The following CACNA2D3 variants were observed in gnomAD, a reference collection of about 807,000 sequenced individuals.
The protein encoded by CACNA2D3 is voltage-dependent calcium channel subunit alpha-2/delta-3.
In CACNA2D3, 60 loss-of-function variants were observed where a neutral mutation model predicts 160.6. That is an observed-to-expected ratio of 0.37 (90% confidence interval 0.30 to 0.46). The LOEUF (loss-of-function observed/expected upper bound fraction) is 0.46. Among genes scored for constraint, CACNA2D3 ranks in the 20% least tolerant of loss-of-function variants. The pLI is 1.00. For missense variants in CACNA2D3, 1,205 were observed against 1,365.0 expected (o/e 0.88, Z 1.85); for synonymous variants, 558 against 492.9 (o/e 1.13, Z -1.75).
chr3:54,371,590 A>G (rs1698927130), intron 3 of CACNA2D3, among the ~76,000 whole-genome samples: 1 of 152,166 alleles, frequency 6.6e-6, no homozygotes, highest in African/African-American at 2.4e-5. Flanking sequence ...CATCGTGTGC[A>G]TTTTCCTCTC....
intron 2 of CACNA2D3, among the ~76,000 whole-genome samples, chr3:54,320,123 A>G (rs1054873735): frequency 5.3e-5 from 8 of 152,188 alleles, no homozygotes; most frequent in East Asian, 1.9e-4. Flanking sequence ...TAAATGAAAA[A>G]TTGTCTTTAG....
intron 4 of CACNA2D3, among the ~76,000 whole-genome samples, chr3:54,498,088 A>T (rs556136848): frequency 3.6e-4 from 55 of 151,182 alleles, no homozygotes; most frequent in South Asian, 6.3e-4. Context: ...AGGTTAGGCT[A>T]CCCTCATTAA....
At chr3:54,774,652 T>TTTTG (rs869178590) in intron 13 of CACNA2D3, among the ~76,000 whole-genome samples, 1 of 143,436 alleles carries the variant, frequency 7.0e-6, no homozygotes, top group Admixed American at 6.9e-5. Flanking sequence ...TTTTTTTTTT[T>TTTTG]GAAATGGAGT....
At chr3:54,403,535 C>G (rs889625955) in intron 4 of CACNA2D3, among the ~76,000 whole-genome samples, 1 of 151,850 alleles carries the variant, frequency 6.6e-6, no homozygotes, top group Non-Finnish European at 1.5e-5. Flanking sequence ...AGAAATATTT[C>G]AAATAATAAG....
intron 11 of CACNA2D3, among the ~76,000 whole-genome samples, chr3:54,698,130 C>T (rs558664563): frequency 2.8e-5 from 4 of 142,990 alleles, no homozygotes; most frequent in African/African-American, 7.9e-5. Context: ...CAGATCCTGG[C>T]GACAATTGAC....
intron 27 of CACNA2D3, among the ~76,000 whole-genome samples, chr3:54,920,995 G>T (rs898900942): frequency 7.2e-5 from 11 of 152,120 alleles, no homozygotes; most frequent in African/African-American, 2.7e-4. Context: ...ATGCTCTGTG[G>T]TCTCCTGTGC....
chr3:54,507,469 C>T (rs2106953696), intron 5 of CACNA2D3, among the ~76,000 whole-genome samples: 1 of 152,302 alleles, frequency 6.6e-6, no homozygotes, highest in Non-Finnish European at 1.5e-5. Flanking sequence ...CAGCCTTGTG[C>T]CCCCTTTACC....
At chr3:54,315,122 G>C (rs1326819765) in intron 2 of CACNA2D3, among the ~76,000 whole-genome samples, 1 of 152,196 alleles carries the variant, frequency 6.6e-6, no homozygotes, top group African/African-American at 2.4e-5. Context: ...TTTTCCTCCA[G>C]GTCTTTCTTG....
At chr3:54,345,925 G>A (rs1231905720) in intron 3 of CACNA2D3, among the ~76,000 whole-genome samples, 1 of 151,940 alleles carries the variant, frequency 6.6e-6, no homozygotes, top group African/African-American at 2.4e-5. Context: ...AATACAGGGA[G>A]CTGGAAATTT....
At chr3:54,306,279 G>A (rs749420072) in intron 2 of CACNA2D3, among the ~76,000 whole-genome samples, 2 of 151,858 alleles carry the variant, frequency 1.3e-5, no homozygotes, top group African/African-American at 2.4e-5. Flanking sequence ...CTAAACAGAT[G>A]TTAGGAGAAA....
At chr3:55,038,897 T>TATAC (rs1703893999) in intron 35 of CACNA2D3, among the ~76,000 whole-genome samples, 1 of 105,344 alleles carries the variant, frequency 9.5e-6, no homozygotes, top group Admixed American at 8.2e-5. Flanking sequence ...TATATATATA[T>TATAC]ATATATATAT....
intron 13 of CACNA2D3, among the ~76,000 whole-genome samples, chr3:54,770,643 G>A (rs142889880): frequency 2.0e-5 from 3 of 152,216 alleles, no homozygotes; most frequent in East Asian, 1.9e-4. Context: ...TGTGCCTGTC[G>A]CCCACAGCAC....
chr3:54,888,998 A>T (rs948576450), intron 24 of CACNA2D3, among the ~76,000 whole-genome samples: 1 of 152,356 alleles, frequency 6.6e-6, no homozygotes. Flanking sequence ...AGTGTAACAG[A>T]TCTAAAGTGG....
chr3:54,296,031 G>T (rs886982015), intron 2 of CACNA2D3, among the ~76,000 whole-genome samples: 1 of 152,198 alleles, frequency 6.6e-6, no homozygotes, highest in Non-Finnish European at 1.5e-5. Flanking sequence ...GCAGGGTTCA[G>T]TTGGAGGACG....
chr3:54,994,374 A>G (rs926921170), intron 31 of CACNA2D3, among the ~76,000 whole-genome samples: 4 of 152,176 alleles, frequency 2.6e-5, no homozygotes, highest in African/African-American at 9.7e-5. Flanking sequence ...TAATGAGTGT[A>G]ATGGCTTCGT....
intron 5 of CACNA2D3, among the ~76,000 whole-genome samples, chr3:54,511,408 A>G (rs1031561571): frequency 6.6e-6 from 1 of 151,870 alleles, no homozygotes; most frequent in Non-Finnish European, 1.5e-5. Context: ...ATGCGCTTCT[A>G]AGGATGTTGT....
intron 13 of CACNA2D3, among the ~76,000 whole-genome samples, chr3:54,798,074 A>G (rs1190148668): frequency 6.6e-6 from 1 of 152,202 alleles, no homozygotes; most frequent in African/African-American, 2.4e-5. Flanking sequence ...TACTCACTTC[A>G]GCTACTGTAT....
chr3:54,215,544 A>G (rs1270957195), intron 2 of CACNA2D3, among the ~76,000 whole-genome samples: 1 of 152,218 alleles, frequency 6.6e-6, no homozygotes, highest in African/African-American at 2.4e-5. Context: ...TTAGAAGCCA[A>G]GATCTAGCTT....
At chr3:54,760,939 C>T (rs531104993) in intron 12 of CACNA2D3, among the ~76,000 whole-genome samples, 5 of 152,110 alleles carry the variant, frequency 3.3e-5, no homozygotes, top group South Asian at 2.1e-4. Flanking sequence ...TACAGTTGGC[C>T]GTGGGTCTGT....
Sources: allele counts gnomAD v4.1 joint callset (sites outside exome capture counted in the v4.1 genomes callset), GRCh38; gene constraint gnomAD v4.1.1; transcripts MANE v1.5; gene names NCBI Gene and HGNC (gene_info 2026-07-23, HGNC 2026-07-21).